DCC: variants seen among roughly 807,000 people sequenced by gnomAD.
DCC encodes the protein netrin receptor DCC.
In DCC, 58 loss-of-function variants were observed where a neutral mutation model predicts 172.5. The ratio of observed to expected loss-of-function variants is 0.34; its 90% CI spans 0.27 to 0.42. The LOEUF (loss-of-function observed/expected upper bound fraction) is 0.42. Ranked by LOEUF, DCC falls within the 10% of genes least tolerant of loss-of-function variation. The pLI is 1.00. For missense variants in DCC, 1,740 were observed against 1,791.0 expected, an observed-to-expected ratio of 0.97 and a Z score of 0.51; for synonymous variants, 709 against 644.5, an observed-to-expected ratio of 1.10 and a Z score of -1.52.
intron 1 of DCC, among the ~76,000 whole-genome samples, chr18:52,427,843 C>CTTCTTT (rs1555681280): frequency 2.0e-5 from 1 of 49,198 alleles, no homozygotes; most frequent in Admixed American, 2.6e-4. Context: ...TTTCTTCCTT[C>CTTCTTT]CTTCCTTCCT....
intron 1 of DCC, among the ~76,000 whole-genome samples, chr18:52,553,384 A>G (rs934623880): frequency 6.6e-6 from 1 of 152,074 alleles, no homozygotes; most frequent in Non-Finnish European, 1.5e-5. Flanking sequence ...CTGTAAAGAC[A>G]TAGGCTAAGC....
chr18:52,437,277 G>C (rs1201971143), intron 1 of DCC, among the ~76,000 whole-genome samples: 2 of 152,194 alleles, frequency 1.3e-5, no homozygotes, highest in Non-Finnish European at 2.9e-5. Context: ...AGTGCATCCT[G>C]CCTGATGTGG....
intron 1 of DCC, among the ~76,000 whole-genome samples, chr18:52,698,980 G>C (rs902962343): frequency 6.6e-5 from 10 of 152,116 alleles, no homozygotes; most frequent in African/African-American, 2.4e-4. Flanking sequence ...TATAGCATGG[G>C]ACCAAGTCAT....
chr18:53,322,575 T>C (rs2057424680), intron 14 of DCC, among the ~76,000 whole-genome samples: 1 of 152,104 alleles, frequency 6.6e-6, no homozygotes, highest in African/African-American at 2.4e-5. Flanking sequence ...AACATCTATA[T>C]GTATTTTTTT....
chr18:52,384,443 C>T (rs956618871), intron 1 of DCC, among the ~76,000 whole-genome samples: 8 of 152,166 alleles, frequency 5.3e-5, no homozygotes, highest in African/African-American at 1.9e-4. Flanking sequence ...GACATTGTCT[C>T]ATCTGTAACC....
intron 15 of DCC, among the ~76,000 whole-genome samples, chr18:53,345,341 G>A (rs1024095677): frequency 5.5e-4 from 84 of 152,108 alleles, no homozygotes; most frequent in African/African-American, 1.9e-3. Flanking sequence ...GGCTAACATT[G>A]TAGCACATCA....
intron 24 of DCC, among the ~76,000 whole-genome samples, chr18:53,460,394 T>C (rs2045542303): frequency 6.9e-6 from 1 of 144,886 alleles, no homozygotes; most frequent in Non-Finnish European, 1.5e-5. Flanking sequence ...ACTCATCATC[T>C]AGCATGAGGT....
At chr18:53,269,930 G>C (rs1312556327) in intron 12 of DCC, among the ~76,000 whole-genome samples, 1 of 152,094 alleles carries the variant, frequency 6.6e-6, no homozygotes, top group Non-Finnish European at 1.5e-5. Flanking sequence ...TTAAGGCTTG[G>C]AATGTTGACG....
intron 2 of DCC, among the ~76,000 whole-genome samples, chr18:52,893,188 G>A (rs2039677315): frequency 6.6e-6 from 1 of 151,918 alleles, no homozygotes; most frequent in South Asian, 2.1e-4. Flanking sequence ...TCTCTCTAAA[G>A]ATTTTGAATA....
chr18:53,164,074 A>G (rs897163821), intron 8 of DCC, among the ~76,000 whole-genome samples: 10 of 152,174 alleles, frequency 6.6e-5, no homozygotes, highest in African/African-American at 2.4e-4. Context: ...TCCCTTTTTC[A>G]TCTTGCTTCC....
chr18:53,532,368 G>A lies in DCC; in HGVS notation c.*1715G>A, dbSNP rs1256410225. 1 of 152,126 alleles carries A rather than the reference G, an allele frequency of 6.6e-6. No individual in the cohort carries two copies. Among genetic ancestry groups the A allele is most frequent in the African/African-American group, 2.4e-5 (1 of 41,428 alleles). The allele number at this position is 152,126 out of a possible 1,614,324, so 9.4% of individuals were successfully genotyped here. A position where few individuals can be genotyped will look rare whatever the true frequency, so the allele number is the denominator to read the frequency against. Reference sequence around the variant, plus strand: ...AAGGAAATCTGATGTCAAAGAGAGGGCTGTTCAAATGGTTCATTAGAAAGT... The same window carrying A: ...AAGGAAATCTGATGTCAAAGAGAGGACTGTTCAAATGGTTCATTAGAAAGT... On this transcript the variant is annotated 3_prime_UTR_variant, in exon 29 of 29. Coordinates refer to ENST00000442544, the MANE Select transcript of DCC (RefSeq NM_005215.4).
chr18:53,280,403 A>T (rs1598978378), intron 12 of DCC, among the ~76,000 whole-genome samples: 2 of 152,238 alleles, frequency 1.3e-5, no homozygotes, highest in South Asian at 4.1e-4. Flanking sequence ...AAATGTCATG[A>T]AGTTACTGAA....
intron 7 of DCC, among the ~76,000 whole-genome samples, chr18:53,102,054 T>G (rs1033433179): frequency 6.6e-6 from 1 of 152,094 alleles, no homozygotes; most frequent in African/African-American, 2.4e-5. Context: ...GACTCAAGTC[T>G]TGACTCGGAT....
intron 3 of DCC, among the ~76,000 whole-genome samples, chr18:52,908,459 T>C (rs1438568891): frequency 1.3e-5 from 2 of 152,228 alleles, no homozygotes; most frequent in African/African-American, 2.4e-5. Context: ...TTATTAATAA[T>C]GCATCTGTTG....
intron 18 of DCC, among the ~76,000 whole-genome samples, chr18:53,398,229 C>T (rs1370492275): frequency 1.3e-5 from 2 of 152,100 alleles, no homozygotes; most frequent in East Asian, 3.9e-4. Flanking sequence ...AAGCTGTTTC[C>T]TGGGTAAGTT....
At chr18:52,795,841 A>C (rs979016827) in intron 2 of DCC, among the ~76,000 whole-genome samples, 1 of 151,872 alleles carries the variant, frequency 6.6e-6, no homozygotes, top group Non-Finnish European at 1.5e-5. Context: ...TTCTTCATTG[A>C]TGCAATAGTT....
chr18:53,353,926 C>T (rs558911546), intron 15 of DCC, among the ~76,000 whole-genome samples: 12 of 152,194 alleles, frequency 7.9e-5, no homozygotes, highest in Non-Finnish European at 1.5e-4. Flanking sequence ...CCCGACCTCA[C>T]GACAGGCCCC....
At chr18:53,333,664 C>T (rs996533349) in intron 14 of DCC, among the ~76,000 whole-genome samples, 11 of 152,160 alleles carry the variant, frequency 7.2e-5, no homozygotes, top group East Asian at 1.9e-4. Flanking sequence ...TCATTTATGG[C>T]CTTTTAGGCC....
intron 1 of DCC, among the ~76,000 whole-genome samples, chr18:52,471,683 A>G (rs909556552): frequency 2.6e-5 from 4 of 152,230 alleles, no homozygotes; most frequent in Non-Finnish European, 5.9e-5. Flanking sequence ...GTAAATATAT[A>G]TCAGAGTAAT....
Sources: gnomAD v4.1 joint callset for allele counts (sites outside exome capture counted in the v4.1 genomes callset) on GRCh38, gnomAD v4.1.1 for gene constraint, MANE v1.5 for transcripts, NCBI Gene and HGNC (gene_info 2026-07-23, HGNC 2026-07-21) for gene names.